FRMPD4: variants seen among roughly 807,000 people sequenced by gnomAD.
FRMPD4 encodes the protein FERM and PDZ domain containing 4.
FRMPD4 carries 22 observed loss-of-function variants against 94.1 expected under a neutral mutation model. That is an observed-to-expected ratio of 0.23 (90% CI 0.17 to 0.33). The LOEUF is 0.33. Ranked by LOEUF, FRMPD4 falls within the 10% of genes least tolerant of loss-of-function variation. FRMPD4 has a pLI of 1.00. For synonymous variants in FRMPD4, 631 were observed against 548.6 expected, an observed-to-expected ratio of 1.15 and a Z score of -2.10; for missense variants, 1,111 against 1,339.9, an observed-to-expected ratio of 0.83 and a Z score of 2.67.
chrX:12,711,643 A>C (rs1316835936), intron 14 of FRMPD4, among the ~76,000 whole-genome samples: 1 of 110,964 alleles, frequency 9.0e-6, no homozygotes, highest in East Asian at 2.8e-4. Context: ...ACAGCCACTG[A>C]GCCATTAAAA....
chrX:12,197,632 G>A (rs760963551), intron 1 of FRMPD4, among the ~76,000 whole-genome samples: 1 of 111,718 alleles, frequency 9.0e-6, no homozygotes, highest in Admixed American at 9.5e-5. Flanking sequence ...GTGTGTTGAA[G>A]GTGACTTTTG....
At chrX:11,844,564 T>C (rs749681992) in intron 1 of FRMPD4, among the ~76,000 whole-genome samples, 15 of 110,838 alleles carry the variant, frequency 1.4e-4, no homozygotes, top group African/African-American at 3.9e-4. Context: ...ATGCACTATT[T>C]TGTGGCCTCC....
intron 3 of FRMPD4, among the ~76,000 whole-genome samples, chrX:11,887,034 T>C (rs1601822765): frequency 8.9e-6 from 1 of 111,871 alleles, no homozygotes; most frequent in African/African-American, 3.3e-5. Context: ...ATGTGTCTAT[T>C]GTCTGTTTTT....
At chrX:11,953,132 A>G (rs1053290182) in intron 3 of FRMPD4, among the ~76,000 whole-genome samples, 3 of 111,973 alleles carry the variant, frequency 2.7e-5, no homozygotes, top group Non-Finnish European at 5.6e-5. Context: ...CACACATTGT[A>G]TCATTTCATG....
intron 3 of FRMPD4, among the ~76,000 whole-genome samples, chrX:12,028,307 T>C (rs2054672291): frequency 8.9e-6 from 1 of 112,052 alleles, no homozygotes; most frequent in African/African-American, 3.2e-5. Flanking sequence ...GATTGTTTGT[T>C]TGTTTGAATA....
chrX:12,104,533 C>T (rs182102538), intron 3 of FRMPD4, among the ~76,000 whole-genome samples: 5 of 112,405 alleles, frequency 4.4e-5, no homozygotes, highest in Admixed American at 3.8e-4. Context: ...GTGCTAAAAC[C>T]TTTTAATCCA....
At chrX:12,108,495 C>T (rs1004096314) in intron 3 of FRMPD4, among the ~76,000 whole-genome samples, 10 of 112,156 alleles carry the variant, frequency 8.9e-5, no homozygotes, top group Non-Finnish European at 1.3e-4. Flanking sequence ...ACCATCAATG[C>T]TAGGAAGAAA....
At chrX:12,301,914 C>A (rs2054866542) in intron 1 of FRMPD4, among the ~76,000 whole-genome samples, 1 of 111,764 alleles carries the variant, frequency 8.9e-6, no homozygotes, top group Admixed American at 9.5e-5. Flanking sequence ...TAAGGAGAAG[C>A]CTGTCCGGTA....
At chrX:12,005,253 C>T (rs1326122111) in intron 3 of FRMPD4, among the ~76,000 whole-genome samples, 1 of 108,326 alleles carries the variant, frequency 9.2e-6, no homozygotes, top group Non-Finnish European at 1.9e-5. Flanking sequence ...CCACAGGTTC[C>T]GATTCAGTAG....
chrX:11,930,107 CAA>C (rs55973946), intron 3 of FRMPD4, among the ~76,000 whole-genome samples: 127 of 13,205 alleles, frequency 9.6e-3, no homozygotes, highest in Middle Eastern at 0.12. Flanking sequence ...GACTCTGTCT[CAA>C]AAAAAAAAAA....
Position 11,873,475 on chromosome X carries a change from A to G in FRMPD4, c.-29-4420A>G, listed in dbSNP as rs146302597. On this transcript the variant is annotated intron_variant, in intron 2 of 18. Coordinates refer to the FRMPD4 transcript ENST00000640291. Reference sequence around the variant, plus strand: ...ATTTACAATAACATCAAGATATGAAATACTTAGGGATAAATTAGCAAAGAA... The same window carrying G: ...ATTTACAATAACATCAAGATATGAAGTACTTAGGGATAAATTAGCAAAGAA... Among the ~76,000 whole-genome samples the G allele has an allele frequency of 6.3e-4, 70 of 111,177 alleles. 1 individual carries two copies. The East Asian group carries it at 0.018, about 28-fold the overall frequency.
At chrX:11,826,207 A>C (rs765185648) in intron 1 of FRMPD4, among the ~76,000 whole-genome samples, 2 of 112,120 alleles carry the variant, frequency 1.8e-5, no homozygotes, top group African/African-American at 6.5e-5. Flanking sequence ...CAAAGATTGA[A>C]ATAGTCACAC....
At chrX:12,694,480 A>T (rs2060108365) in intron 9 of FRMPD4, 26 bp downstream of exon 9, 1 of 1,137,759 alleles carries the variant, frequency 8.8e-7, no homozygotes, top group Admixed American at 2.2e-5. Context: ...GGCATGTTTT[A>T]TATCAATGTT....
At chrX:12,280,681 G>T (rs545828870) in intron 1 of FRMPD4, among the ~76,000 whole-genome samples, 6 of 111,661 alleles carry the variant, frequency 5.4e-5, no homozygotes, top group East Asian at 5.6e-4. Context: ...CTCATCCTCG[G>T]ATCTATGGAT....
intron 3 of FRMPD4, among the ~76,000 whole-genome samples, chrX:12,000,606 G>A (rs1404542737): frequency 9.0e-6 from 1 of 111,403 alleles, no homozygotes; most frequent in Non-Finnish European, 1.9e-5. Context: ...AGCTGCCTTG[G>A]AATATAATTT....
At chrX:12,483,954 A>T (rs1188703531) in intron 1 of FRMPD4, among the ~76,000 whole-genome samples, 2 of 111,899 alleles carry the variant, frequency 1.8e-5, no homozygotes, top group African/African-American at 6.5e-5. Flanking sequence ...TATGAAATTA[A>T]CAACTAGTAG....
intron 3 of FRMPD4, among the ~76,000 whole-genome samples, chrX:11,992,471 C>T (rs985435822): frequency 1.8e-5 from 2 of 111,115 alleles, no homozygotes; most frequent in Admixed American, 1.9e-4. Flanking sequence ...ACCCAGAGTC[C>T]CCAGGGTGAG....
rs181526548 is a variant in FRMPD4 at position 11,901,766 on chromosome X, C to G, written c.95+23748C>G. 5.4e-3 allele frequency among the ~76,000 whole-genome samples: 588 copies of G among 108,145 alleles called. 4 individuals are homozygous for G. Among genetic ancestry groups the G allele is most frequent in the African/African-American group, 0.019 (568 of 29,787 alleles). 93.9% of individuals were successfully genotyped at this position (108,145 alleles called of 115,157 possible). ...ATTCACAACAGTATCTTTTTTTTTTCTTTTTTACTTTTTAATTATGGCCTT... is the reference window on the plus strand; with the variant it reads ...ATTCACAACAGTATCTTTTTTTTTTGTTTTTTACTTTTTAATTATGGCCTT... On this transcript the variant is annotated intron_variant, in intron 3 of 18. Transcript: ENST00000640291.
At chrX:11,884,984 C>G (rs1443148766) in intron 3 of FRMPD4, among the ~76,000 whole-genome samples, 1 of 111,079 alleles carries the variant, frequency 9.0e-6, no homozygotes, top group Non-Finnish European at 1.9e-5. Flanking sequence ...ACAGGCCCAT[C>G]GAAATGGATG....
Sources: gnomAD v4.1 joint callset for allele counts (sites outside exome capture counted in the v4.1 genomes callset) on GRCh38, gnomAD v4.1.1 for gene constraint, MANE v1.5 for transcripts, NCBI Gene and HGNC (gene_info 2026-07-23, HGNC 2026-07-21) for gene names.